Variants in KLRD1 observed in about 807,000 individuals in gnomAD.
KLRD1 encodes the protein killer cell lectin like receptor D1.
In KLRD1, 21 loss-of-function variants were observed where a neutral mutation model predicts 22.6. The ratio of observed to expected loss-of-function variants is 0.93; its 90% CI spans 0.66 to 1.34. KLRD1 has a LOEUF of 1.34. Among genes scored for constraint, KLRD1 ranks in the 40% most tolerant of loss-of-function variants. KLRD1 has a pLI of 0.00. For missense variants in KLRD1, 183 were observed against 208.6 expected (o/e 0.88, Z 0.76); for synonymous variants, 59 against 71.1 (o/e 0.83, Z 0.85).
intron 1 of KLRD1, among the ~76,000 whole-genome samples, chr12:10,247,674 C>T (rs1167188340): frequency 6.6e-6 from 1 of 152,144 alleles, no homozygotes; most frequent in Non-Finnish European, 1.5e-5. Flanking sequence ...CCCCACATGT[C>T]ATGGGAGGGA....
chr12:10,273,471 A>G (rs1308237922), intron 1 of KLRD1, among the ~76,000 whole-genome samples: 1 of 152,120 alleles, frequency 6.6e-6, no homozygotes, highest in African/African-American at 2.4e-5. Flanking sequence ...GATGAGCATA[A>G]TTTGTTTTTA....
At chr12:10,302,359 G>A (rs1334630345), upstream of KLRD1, among the ~76,000 whole-genome samples, 1 of 152,168 alleles carries the variant, frequency 6.6e-6, no homozygotes, top group Non-Finnish European at 1.5e-5. Context: ...AAAAATTCAG[G>A]ATATTGATGC....
At chr12:10,253,560 C>A (rs895675858) in intron 1 of KLRD1, among the ~76,000 whole-genome samples, 1 of 71,180 alleles carries the variant, frequency 1.4e-5, no homozygotes, top group Non-Finnish European at 4.7e-5. Flanking sequence ...CTGCTCCTCT[C>A]CCTTCTCTCA....
At chr12:10,266,691 A>G (rs1457850585) in intron 1 of KLRD1, among the ~76,000 whole-genome samples, 1 of 151,866 alleles carries the variant, frequency 6.6e-6, no homozygotes, top group African/African-American at 2.4e-5. Flanking sequence ...ATATGCACAC[A>G]CATATATATG....
chr12:10,262,852 A>T (rs1949466199), intron 1 of KLRD1, among the ~76,000 whole-genome samples: 2 of 152,176 alleles, frequency 1.3e-5, no homozygotes, highest in South Asian at 4.1e-4. Context: ...TATCATTTGC[A>T]ATTTATATTA....
intron 4 of KLRD1, among the ~76,000 whole-genome samples, chr12:10,312,268 T>C (rs1249136717): frequency 6.6e-6 from 1 of 152,074 alleles, no homozygotes; most frequent in African/African-American, 2.4e-5. Context: ...GCGAGGCTGG[T>C]CTTGAACTCC....
Position 10,277,386 on chromosome 12 carries a change from A to C in KLRD1, c.-100-30592A>C, listed in dbSNP as rs574438861. On this transcript the variant is annotated intron_variant, in intron 1 of 5. Transcript: ENST00000544747. ...TGATAGTCATTTTAATTTTTATTAT[A>C]GGGGAGAACTTAGTCCCTAAATAAA... Among the ~76,000 whole-genome samples, 6 of 152,288 alleles carry C rather than the reference A, an allele frequency of 3.9e-5. No individual in the cohort carries two copies. In the South Asian group the frequency reaches 1.2e-3, roughly 32 times the overall value.
At chr12:10,305,788 A>G (rs1460145229), upstream of KLRD1, among the ~76,000 whole-genome samples, 2 of 152,208 alleles carry the variant, frequency 1.3e-5, no homozygotes, top group African/African-American at 4.8e-5. Flanking sequence ...CGAGGCAATG[A>G]TAACTTCAGG....
At chr12:10,278,624 T>A (rs532220858) in intron 1 of KLRD1, among the ~76,000 whole-genome samples, 5 of 152,360 alleles carry the variant, frequency 3.3e-5, no homozygotes, top group Middle Eastern at 3.4e-3. Context: ...ATAAGCTGTG[T>A]TTAATGGTAA....
At chr12:10,278,786 T>TTTTTG (rs962924601) in intron 1 of KLRD1, among the ~76,000 whole-genome samples, 5 of 152,214 alleles carry the variant, frequency 3.3e-5, no homozygotes, top group South Asian at 2.1e-4. Context: ...ATCATGGCTG[T>TTTTTG]TTTTGTTTTG....
intron 1 of KLRD1, among the ~76,000 whole-genome samples, chr12:10,269,841 A>C (rs1252679924): frequency 6.6e-6 from 1 of 152,056 alleles, no homozygotes; most frequent in Non-Finnish European, 1.5e-5. Context: ...ATTATTTTGA[A>C]AGATTATATG....
intron 1 of KLRD1, among the ~76,000 whole-genome samples, chr12:10,258,889 A>T (rs1185939168): frequency 6.6e-6 from 1 of 152,226 alleles, no homozygotes; most frequent in African/African-American, 2.4e-5. Flanking sequence ...CTAGATATAT[A>T]CACCAAACCT....
intron 1 of KLRD1, among the ~76,000 whole-genome samples, chr12:10,278,714 TAAGTA>T (rs951630915): frequency 2.6e-5 from 4 of 152,226 alleles, no homozygotes; most frequent in African/African-American, 9.6e-5. Context: ...AACTGCCACT[TAAGTA>T]AAGTTATTTG....
In KLRD1 at chr12:10,239,470, C is replaced by CTTA. The variant is rs1565443201; in HGVS notation, c.-101+13239_-101+13240insATT. On this transcript the variant is annotated intron_variant, in intron 1 of 5. Coordinates refer to the KLRD1 transcript ENST00000544747. ...CCTTCCTTCCTTCCTTCCTTCCTTC[C>CTTA]TTCCTTCCTTCCTTCTTCCTTCCTT... Among the ~76,000 whole-genome samples the CTTA allele has an allele frequency of 2.7e-3, 69 of 25,798 alleles. 8 individuals carry two copies. In the East Asian group the frequency reaches 0.05, roughly 19 times the overall value. The allele number at this position is 25,798 out of a possible 152,430, so 16.9% of individuals were successfully genotyped here. A position where few individuals can be genotyped will look rare whatever the true frequency, so the allele number is the denominator to read the frequency against.
At chr12:10,305,259 C>A (rs117636213), upstream of KLRD1, among the ~76,000 whole-genome samples, 11 of 152,292 alleles carry the variant, frequency 7.2e-5, no homozygotes, top group East Asian at 2.1e-3. Context: ...ATGGAAAGTC[C>A]TGCAAAGAGA....
At chr12:10,246,324 G>T (rs1169324930) in intron 1 of KLRD1, among the ~76,000 whole-genome samples, 1 of 151,780 alleles carries the variant, frequency 6.6e-6, no homozygotes, top group East Asian at 1.9e-4. Context: ...AAATTACATG[G>T]TATTAAAATT....
chr12:10,246,206 A>G (rs1565445963), intron 1 of KLRD1, among the ~76,000 whole-genome samples: 1 of 152,280 alleles, frequency 6.6e-6, no homozygotes, highest in East Asian at 1.9e-4. Context: ...TCTGACTGGA[A>G]AGATATAAGT....
rs754019734 is a variant in KLRD1, at chr12:10,313,483, G to A, written c.389G>A (p.Trp130Ter). The A allele has an allele frequency of 6.2e-7, 1 of 1,607,980 alleles. No individual in the cohort carries two copies. Among genetic ancestry groups the A allele is most frequent in the Admixed American group, 1.7e-5 (1 of 59,298 alleles). ...SYSEEHTAWL[W>*]ENGSALSQYL... The stretch of plus-strand genomic sequence containing the variant: ...AGTGAGGAGCACACCGCCTGGTTGT[G>A]GGAGAATGGCTCTGCACTCTCCCAG... The change falls in exon 5 of 6, where the codon TGG becomes TAG. Residue 130 changes from tryptophan to a stop codon, truncating the protein, a stop_gained. Transcript: ENST00000336164. LOFTEE classifies it low-confidence loss of function (END_TRUNC).
upstream of KLRD1, among the ~76,000 whole-genome samples, chr12:10,304,023 G>A (rs1478172952): frequency 2.6e-5 from 4 of 152,112 alleles, no homozygotes; most frequent in African/African-American, 9.7e-5. Context: ...TATCTATGTG[G>A]ACAAAACTTA....
Sources: allele counts gnomAD v4.1 joint callset (sites outside exome capture counted in the v4.1 genomes callset), GRCh38; gene constraint gnomAD v4.1.1; transcripts MANE v1.5; gene names NCBI Gene and HGNC (gene_info 2026-07-23, HGNC 2026-07-21).